Variants in TEX36 observed in about 807,000 individuals in gnomAD.
TEX36 encodes testis expressed 36.
Under a neutral mutation model 13.6 loss-of-function variants are expected in TEX36, and 12 were observed. That is an observed-to-expected ratio of 0.88 (90% CI 0.56 to 1.43). The LOEUF is 1.43. Ranked by LOEUF, TEX36 falls within the 40% of genes most tolerant of loss-of-function variation. The pLI, the probability that TEX36 is intolerant of heterozygous loss-of-function variation, is 0.00. For synonymous variants in TEX36, 93 were observed against 83.0 expected (o/e 1.12, Z -0.65); for missense variants, 224 against 228.3 (o/e 0.98, Z 0.12).
intron 3 of TEX36, among the ~76,000 whole-genome samples, chr10:125,613,325 C>A (rs1865135): frequency 0.23 from 32,952 of 143,812 alleles, 6,162 homozygotes; most frequent in African/African-American, 0.52. Context: ...ACATGTGCAC[C>A]ATGTGCAGGT....
rs372277807 is a variant in TEX36, at chr10:125,661,994, C to T, written c.52-17G>A. The stretch of plus-strand genomic sequence containing the variant: ...GTGAGGGAACTGGAAGAACAGCACA[C>T]GCCTTGATTAAAACCAGACACATTT... On this transcript the variant is annotated splice_polypyrimidine_tract_variant and intron_variant, in intron 1 of 3. Coordinates refer to ENST00000368821, the MANE Select transcript of TEX36 (RefSeq NM_001128202.3). The T allele has an allele frequency of 1.3e-6, 2 of 1,552,220 alleles. No individual in the cohort carries two copies. Among genetic ancestry groups the T allele is most frequent in the African/African-American group, 1.4e-5 (1 of 73,044 alleles).
intron 3 of TEX36, among the ~76,000 whole-genome samples, chr10:125,582,477 T>C (rs1444786256): frequency 6.6e-6 from 1 of 152,202 alleles, no homozygotes; most frequent in Non-Finnish European, 1.5e-5. Context: ...TAAATGCACA[T>C]ACCTAACTTT....
rs192407697 is a variant in TEX36 at position 125,628,037 on chromosome 10, T to A, written c.265-6392A>T. 2.7e-3 allele frequency among the ~76,000 whole-genome samples: 412 copies of A among 152,354 alleles called. 4 individuals carry two copies. The highest frequency in any genetic ancestry group is 8.8e-3 in the African/African-American group (366 of 41,580). ...ATTTAGTATGCCTACACTCACTGGT[T>A]AAAAATTATGCAATTTATTGGTGCC... On this transcript the variant is annotated intron_variant, in intron 3 of 3. Coordinates refer to the TEX36 transcript ENST00000526819.
intron 3 of TEX36, among the ~76,000 whole-genome samples, chr10:125,631,990 G>A (rs1846562967): frequency 6.6e-6 from 1 of 152,046 alleles, no homozygotes. Context: ...AGGAGCAAGA[G>A]GATAGGACAG....
chr10:125,598,327 C>G (rs989169941), intron 3 of TEX36, among the ~76,000 whole-genome samples: 13 of 152,198 alleles, frequency 8.5e-5, no homozygotes, highest in African/African-American at 2.9e-4. Context: ...GTGGAGGAAA[C>G]AGGATTACAA....
chr10:125,647,616 G>A (rs1447925735), intron 3 of TEX36, among the ~76,000 whole-genome samples: 4 of 152,188 alleles, frequency 2.6e-5, no homozygotes, highest in Admixed American at 1.3e-4. Context: ...CACAGAAGAT[G>A]GGTGATTTCT....
chr10:125,608,875 C>T (rs1388956688), intron 3 of TEX36, among the ~76,000 whole-genome samples: 1 of 150,708 alleles, frequency 6.6e-6, no homozygotes, highest in African/African-American at 2.4e-5. Context: ...TGGCTAACAC[C>T]TGTAATCCCA....
chr10:125,607,382 T>G (rs1278316576), intron 3 of TEX36, among the ~76,000 whole-genome samples: 1 of 152,256 alleles, frequency 6.6e-6, no homozygotes, highest in East Asian at 1.9e-4. Flanking sequence ...TCAGGGATTA[T>G]GAAAGAGAAC....
intron 3 of TEX36, among the ~76,000 whole-genome samples, chr10:125,581,607 G>A (rs1256007449): frequency 1.3e-5 from 2 of 152,144 alleles, no homozygotes; most frequent in Admixed American, 6.5e-5. Flanking sequence ...AACTAATCAG[G>A]AATGGCCTGT....
intron 3 of TEX36, among the ~76,000 whole-genome samples, chr10:125,589,939 A>G (rs1025047472): frequency 6.6e-6 from 1 of 152,190 alleles, no homozygotes; most frequent in African/African-American, 2.4e-5. Flanking sequence ...TTCTTGGGCA[A>G]TCTTCATCTT....
chr10:125,587,650 G>A (rs1159969800), intron 3 of TEX36, among the ~76,000 whole-genome samples: 9 of 152,112 alleles, frequency 5.9e-5, no homozygotes, highest in Non-Finnish European at 7.3e-5. Flanking sequence ...AGCCAGGCAC[G>A]GTGGCATGCA....
At chr10:125,637,941 G>A (rs965179371) in intron 3 of TEX36, among the ~76,000 whole-genome samples, 4 of 150,774 alleles carry the variant, frequency 2.7e-5, no homozygotes, top group Non-Finnish European at 4.4e-5. Flanking sequence ...CCCTGCTGCC[G>A]GGCCCCCTCC....
At chr10:125,609,262 G>A (rs929286368) in intron 3 of TEX36, among the ~76,000 whole-genome samples, 2 of 152,082 alleles carry the variant, frequency 1.3e-5, no homozygotes, top group Admixed American at 6.6e-5. Flanking sequence ...GTTGGTTGGT[G>A]GCCCTATGTT....
chr10:125,657,407 A>T (rs1291055436), intron 3 of TEX36, among the ~76,000 whole-genome samples: 1 of 152,226 alleles, frequency 6.6e-6, no homozygotes, highest in East Asian at 1.9e-4. Context: ...AGAAGAGGAG[A>T]GTGGGACTGG....
intron 3 of TEX36, among the ~76,000 whole-genome samples, chr10:125,596,165 A>C (rs539061785): frequency 6.6e-6 from 1 of 151,898 alleles, no homozygotes; most frequent in East Asian, 2.0e-4. Context: ...GCCCTTCAAC[A>C]TGTCTGTGAA....
chr10:125,608,376 T>G (rs1846241891), intron 3 of TEX36, among the ~76,000 whole-genome samples: 1 of 152,200 alleles, frequency 6.6e-6, no homozygotes, highest in African/African-American at 2.4e-5. Flanking sequence ...TGTAACTTAG[T>G]AAACTGACTG....
intron 1 of TEX36, among the ~76,000 whole-genome samples, chr10:125,662,558 T>G (rs1847063037): frequency 6.6e-6 from 1 of 152,014 alleles, no homozygotes; most frequent in South Asian, 2.1e-4. Flanking sequence ...TTATCTAGAA[T>G]ATGTCCTTGC....
At chr10:125,611,644 T>G (rs141186433) in intron 3 of TEX36, among the ~76,000 whole-genome samples, 1 of 152,298 alleles carries the variant, frequency 6.6e-6, no homozygotes, top group Non-Finnish European at 1.5e-5. Context: ...ATTGCAAACT[T>G]TTTTTGCAAT....
intron 3 of TEX36, among the ~76,000 whole-genome samples, chr10:125,644,179 G>A (rs9422907): frequency 0.29 from 43,706 of 152,096 alleles, 10,019 homozygotes; most frequent in African/African-American, 0.61. Context: ...ACCTCTACAG[G>A]TTGGCTAAAT....
Sources: gnomAD v4.1 joint callset for allele counts (sites outside exome capture counted in the v4.1 genomes callset) on GRCh38, gnomAD v4.1.1 for gene constraint, MANE v1.5 for transcripts, NCBI Gene and HGNC (gene_info 2026-07-23, HGNC 2026-07-21) for gene names.